Variants in CYP39A1 observed in about 807,000 individuals in gnomAD.
CYP39A1 encodes 24-hydroxycholesterol 7-alpha-hydroxylase.
A neutral mutation model predicts 58.1 loss-of-function variants in CYP39A1; 49 were observed. The ratio of observed to expected loss-of-function variants is 0.84; its 90% CI spans 0.67 to 1.07. The LOEUF (loss-of-function observed/expected upper bound fraction) is 1.07, where lower values mean the gene tolerates loss of function less well. Ranked by LOEUF, CYP39A1 falls within the 50% of genes least tolerant of loss-of-function variation. CYP39A1 has a pLI of 0.00. For synonymous variants in CYP39A1, 209 were observed against 187.6 expected, an observed-to-expected ratio of 1.11 and a Z score of -0.93; for missense variants, 531 against 539.4, an observed-to-expected ratio of 0.98 and a Z score of 0.16.
intron 7 of CYP39A1, among the ~76,000 whole-genome samples, chr6:46,600,160 G>C (rs151102551): frequency 1.3e-5 from 2 of 151,038 alleles, no homozygotes; most frequent in Middle Eastern, 3.4e-3. Context: ...ATGGAGACTC[G>C]CTCTGTTACC....
At chr6:46,571,875 T>C (rs1771602564) in intron 10 of CYP39A1, among the ~76,000 whole-genome samples, 1 of 152,130 alleles carries the variant, frequency 6.6e-6, no homozygotes. Context: ...TTCATTTCTC[T>C]TTATCTCTTG....
intron 10 of CYP39A1, among the ~76,000 whole-genome samples, chr6:46,557,933 C>CAAAAA (rs1186594398): frequency 4.5e-4 from 17 of 37,590 alleles, no homozygotes; most frequent in Non-Finnish European, 4.9e-4. Flanking sequence ...GACTCCATCT[C>CAAAAA]AAAAAAAAAA....
At chr6:46,591,733 TA>T (rs957165173) in intron 8 of CYP39A1, among the ~76,000 whole-genome samples, 3 of 151,828 alleles carry the variant, frequency 2.0e-5, no homozygotes, top group African/African-American at 7.2e-5. Flanking sequence ...TTAAGAAGTT[TA>T]AAAAAAACCC....
intron 7 of CYP39A1, among the ~76,000 whole-genome samples, chr6:46,609,155 A>C (rs894455108): frequency 6.6e-6 from 1 of 151,996 alleles, no homozygotes; most frequent in Admixed American, 6.5e-5. Flanking sequence ...TAATCCCAGC[A>C]CTTCGGGAGG....
chr6:46,638,933 G>A (rs777240868), intron 3 of CYP39A1, among the ~76,000 whole-genome samples: 4 of 152,188 alleles, frequency 2.6e-5, no homozygotes, highest in Non-Finnish European at 5.9e-5. Flanking sequence ...GGCTGACTCC[G>A]TCTGCTGCTC....
At chr6:46,552,892 C>CA (rs1770479446) in intron 11 of CYP39A1, among the ~76,000 whole-genome samples, 3 of 151,718 alleles carry the variant, frequency 2.0e-5, no homozygotes, top group African/African-American at 7.3e-5. Flanking sequence ...ACTAAAAATA[C>CA]AAAAAATTAG....
rs796434243 is a variant in CYP39A1 at position 46,648,506 on chromosome 6, C to T, written c.177+3900G>A. On this transcript the variant is annotated intron_variant, in intron 1 of 11. Transcript: ENST00000275016. ...GAAGGGGAACATCACACACCGGGGC[C>T]TGTTGTTGGGTGGGGGGAGGGGGGA... Among the ~76,000 whole-genome samples the T allele has an allele frequency of 4.5e-4, 45 of 99,830 alleles. No homozygotes were observed. In the East Asian group the frequency reaches 9.7e-3, roughly 21 times the overall value. The allele number at this position is 99,830 out of a possible 152,430, so 65.5% of individuals were successfully genotyped here.
At chr6:46,591,338 G>C (rs1442471645) in intron 8 of CYP39A1, among the ~76,000 whole-genome samples, 1 of 151,812 alleles carries the variant, frequency 6.6e-6, no homozygotes, top group Admixed American at 6.6e-5. Flanking sequence ...ATTTATAGTT[G>C]TGTTGTATAT....
At chr6:46,567,177 C>T (rs1284031108) in intron 10 of CYP39A1, among the ~76,000 whole-genome samples, 1 of 152,128 alleles carries the variant, frequency 6.6e-6, no homozygotes, top group East Asian at 1.9e-4. Context: ...ATTCTACTCA[C>T]TGTTTCAATG....
intron 10 of CYP39A1, among the ~76,000 whole-genome samples, chr6:46,585,982 A>G (rs1772453996): frequency 6.6e-6 from 1 of 152,132 alleles, no homozygotes; most frequent in South Asian, 2.1e-4. Flanking sequence ...TGGCCAGTTT[A>G]GCTCAACTTC....
intron 8 of CYP39A1, among the ~76,000 whole-genome samples, chr6:46,589,255 C>A (rs945625133): frequency 6.6e-6 from 1 of 151,932 alleles, no homozygotes; most frequent in African/African-American, 2.4e-5. Flanking sequence ...GAGTTTGAGA[C>A]CAGCCTAGGC....
Position 46,595,983 on chromosome 6 carries a change from T to C in CYP39A1, c.1065+4A>G. On this transcript the variant is annotated splice_donor_region_variant and intron_variant, in intron 8 of 11. Transcript: ENST00000275016. The stretch of plus-strand genomic sequence containing the variant: ...GATTCATTTAAAACCAAACCAAAGC[T>C]TACCAAAATTTCCACAGGCTTCACC... The C allele has an allele frequency of 6.2e-7, 1 of 1,607,250 alleles. No homozygotes were observed. The highest frequency in any genetic ancestry group is 1.1e-5 in the South Asian group (1 of 88,736).
chr6:46,579,074 C>T (rs1771989756), intron 10 of CYP39A1, among the ~76,000 whole-genome samples: 1 of 152,042 alleles, frequency 6.6e-6, no homozygotes, highest in South Asian at 2.1e-4. Context: ...AAAATACTAG[C>T]AAATTGATTT....
At chr6:46,639,971 C>G (rs666240) in intron 2 of CYP39A1, among the ~76,000 whole-genome samples, 1 of 151,990 alleles carries the variant, frequency 6.6e-6, no homozygotes, top group Non-Finnish European at 1.5e-5. Context: ...GAAAATTAGC[C>G]GGCTGTGGCG....
At chr6:46,582,868 CT>C (rs1480889871) in intron 10 of CYP39A1, among the ~76,000 whole-genome samples, 2 of 152,016 alleles carry the variant, frequency 1.3e-5, no homozygotes, top group African/African-American at 2.4e-5. Flanking sequence ...GAACCCTAAC[CT>C]GACACATAGC....
At chr6:46,556,459 G>A (rs946474371) in intron 10 of CYP39A1, among the ~76,000 whole-genome samples, 1 of 152,152 alleles carries the variant, frequency 6.6e-6, no homozygotes, top group African/African-American at 2.4e-5. Context: ...ATTTGGCAGA[G>A]TACTGATCTC....
At chr6:46,551,993 G>A (rs774277850) in intron 11 of CYP39A1, among the ~76,000 whole-genome samples, 1 of 152,076 alleles carries the variant, frequency 6.6e-6, no homozygotes, top group Non-Finnish European at 1.5e-5. Context: ...TTTAAAAAGT[G>A]TTCTCAGTGG....
chr6:46,621,470 G>A (rs1582418657), intron 7 of CYP39A1, among the ~76,000 whole-genome samples: 1 of 152,068 alleles, frequency 6.6e-6, no homozygotes, highest in Non-Finnish European at 1.5e-5. Flanking sequence ...CTAAAATCAG[G>A]AATGAAATAT....
chr6:46,628,922 A>G (rs1394305691), intron 6 of CYP39A1, among the ~76,000 whole-genome samples: 1 of 152,246 alleles, frequency 6.6e-6, no homozygotes, highest in Admixed American at 6.5e-5. Flanking sequence ...ATGCTGAACC[A>G]GGTGCTATTA....
Sources: allele counts gnomAD v4.1 joint callset (sites outside exome capture counted in the v4.1 genomes callset), GRCh38; gene constraint gnomAD v4.1.1; transcripts MANE v1.5; gene names NCBI Gene and HGNC (gene_info 2026-07-23, HGNC 2026-07-21).